The following SETD2 variants were observed in gnomAD, a reference collection of about 807,000 sequenced individuals.
The protein encoded by SETD2 is SET domain containing 2, histone lysine methyltransferase.
Under a neutral mutation model 242.1 loss-of-function variants are expected in SETD2, and 31 were observed. The ratio of observed to expected loss-of-function variants is 0.13; its 90% CI spans 0.10 to 0.17. SETD2 has a LOEUF of 0.17. SETD2 is among the 10% of genes least tolerant of loss of function. SETD2 has a pLI of 1.00. For synonymous variants in SETD2, 1,006 were observed against 1,066.5 expected (o/e 0.94, Z 1.11); for missense variants, 2,481 against 3,046.3 (o/e 0.81, Z 4.37).
At position 47,122,317 on chromosome 3, in the gene SETD2, T is replaced by G. The variant is rs773798410; in HGVS notation, c.2319A>C (p.Thr773=). The change falls in exon 3 of 21, where the codon ACA becomes ACC. Residue 773 remains threonine, a synonymous_variant. Coordinates refer to ENST00000409792, the MANE Select transcript of SETD2 (RefSeq NM_014159.7). ...MPVMTVDYSK[T]VVKEPVDTRV... ...TCGTATCAACTGGTTCTTTAACTACTGTTTTGGAATAATCCACAGTCATAA... is the reference window on the plus strand; with the variant it reads ...TCGTATCAACTGGTTCTTTAACTACGGTTTTGGAATAATCCACAGTCATAA... The G allele has an allele frequency of 6.2e-7, 1 of 1,614,222 alleles. No individual in the cohort carries two copies. The highest frequency in any genetic ancestry group is 8.5e-7 in the Non-Finnish European group (1 of 1,180,022).
chr3:47,129,313 T>C (rs181436691), intron 1 of SETD2, among the ~76,000 whole-genome samples: 122 of 152,306 alleles, frequency 8.0e-4, no homozygotes, highest in Admixed American at 2.2e-3. Context: ...TGTTAATAGA[T>C]AAAAATCAAA....
chr3:47,113,106 CTT>C (rs67797383), intron 5 of SETD2, among the ~76,000 whole-genome samples: 1 of 148,206 alleles, frequency 6.7e-6, no homozygotes, highest in Non-Finnish European at 1.5e-5. Flanking sequence ...CTCTTCTACT[CTT>C]TTTTTTTTTC....
At chr3:47,094,360 G>A (rs970714108) in intron 9 of SETD2, among the ~76,000 whole-genome samples, 7 of 152,210 alleles carry the variant, frequency 4.6e-5, no homozygotes, top group Admixed American at 2.6e-4. Context: ...GCAATCATAA[G>A]AACAAGGATA....
At chr3:47,156,947 C>A (rs9821119) in intron 1 of SETD2, among the ~76,000 whole-genome samples, 1 of 151,906 alleles carries the variant, frequency 6.6e-6, no homozygotes, top group South Asian at 2.1e-4. Context: ...GGGCAACACA[C>A]CAAAACCCTG....
At chr3:47,021,046 T>TA (rs1377366007) in intron 18 of SETD2, among the ~76,000 whole-genome samples, 1 of 152,210 alleles carries the variant, frequency 6.6e-6, no homozygotes, top group Non-Finnish European at 1.5e-5. Flanking sequence ...ATTTGTTTTT[T>TA]AAGAAAACAA....
intron 11 of SETD2, among the ~76,000 whole-genome samples, chr3:47,085,906 G>A (rs960157515): frequency 2.0e-5 from 3 of 152,030 alleles, no homozygotes; most frequent in African/African-American, 7.3e-5. Context: ...CAACAAACTG[G>A]ATCTTTCACT....
rs2385867 is a variant in SETD2, at chr3:47,017,833, C to T, written c.7432-94G>A. ...TAACTAGAAAAGGTAGTGAGTAAAG[C>T]CAGCCAATCCTTCTCCTTTTCCTCC... On this transcript the variant is annotated intron_variant, in intron 19 of 20. Transcript: ENST00000409792. The surrounding 1 kb of genome is among the most constrained non-coding windows in gnomAD (Gnocchi z 4.8). 487,177 of 861,096 alleles carry T rather than the reference C, an allele frequency of 0.57. 138,596 individuals carry two copies. Among genetic ancestry groups the T allele is most frequent in the Non-Finnish European group, 0.58 (292,414 of 506,026 alleles). The allele number at this position is 861,096 out of a possible 1,614,324, so 53.3% of individuals were successfully genotyped here. A position where few individuals can be genotyped will look rare whatever the true frequency, so the allele number is the denominator to read the frequency against.
chr3:47,104,908 G>A (rs2042350572), intron 6 of SETD2, among the ~76,000 whole-genome samples: 1 of 152,220 alleles, frequency 6.6e-6, no homozygotes, highest in African/African-American at 2.4e-5. Flanking sequence ...GCTGTAACTA[G>A]ATGCATGCAA....
chr3:47,092,709 G>C (rs1240121037), intron 9 of SETD2, among the ~76,000 whole-genome samples: 3 of 151,750 alleles, frequency 2.0e-5, no homozygotes, highest in Non-Finnish European at 4.4e-5. Flanking sequence ...CTTCTTGATG[G>C]AATACAACAT....
intron 1 of SETD2, among the ~76,000 whole-genome samples, chr3:47,141,635 T>C (rs2043729568): frequency 6.6e-6 from 1 of 152,224 alleles, no homozygotes; most frequent in African/African-American, 2.4e-5. Context: ...TTATTTCATG[T>C]TTCACAAGTA....
At chr3:47,043,678 G>A (rs1469864209) in intron 16 of SETD2, among the ~76,000 whole-genome samples, 1 of 152,118 alleles carries the variant, frequency 6.6e-6, no homozygotes, top group Non-Finnish European at 1.5e-5. Flanking sequence ...GATAAAATGT[G>A]TTCACTTTTA....
intron 17 of SETD2, among the ~76,000 whole-genome samples, chr3:47,038,164 T>G (rs1464962371): frequency 2.6e-5 from 4 of 152,228 alleles, no homozygotes; most frequent in Admixed American, 2.0e-4. Context: ...AAACAGTGAC[T>G]GTACCTAGCA....
At chr3:47,129,009 T>C (rs1950252041) in intron 1 of SETD2, among the ~76,000 whole-genome samples, 1 of 152,178 alleles carries the variant, frequency 6.6e-6, no homozygotes, top group Non-Finnish European at 1.5e-5. Flanking sequence ...CCTCAGCAGT[T>C]CTATTTTGGA....
At chr3:47,055,740 T>G (rs1274277141) in intron 15 of SETD2, among the ~76,000 whole-genome samples, 2 of 151,446 alleles carry the variant, frequency 1.3e-5, no homozygotes, top group Admixed American at 6.6e-5. Flanking sequence ...CCAGGCACGG[T>G]GGCTCACGTC....
chr3:47,094,264 A>C (rs1575762318), intron 9 of SETD2, among the ~76,000 whole-genome samples: 2 of 152,366 alleles, frequency 1.3e-5, no homozygotes, highest in South Asian at 4.1e-4. Flanking sequence ...TAAGTACTTA[A>C]GTACCCAGTG....
At position 47,124,118 on chromosome 3, in the gene SETD2, A is replaced by G. The variant is rs1038985708; in HGVS notation, c.518T>C (p.Leu173Ser). 6.4e-7 allele frequency: 1 copy of G among 1,551,952 alleles called. No homozygotes were observed. Among genetic ancestry groups the G allele is most frequent in the Admixed American group, 2.0e-5 (1 of 50,984 alleles). The change falls in exon 3 of 21, where the codon TTA becomes TCA. Residue 173 changes from leucine to serine, a missense_variant. This residue lies in a region of SETD2 where 334 missense variants were observed against 374.5 expected (regional missense o/e 0.89). Transcript: ENST00000409792. ...TGTTGATTCTGCTATCACTGCTGGT[A>G]ATGGTGCTGCATGAGTAGGTGGAGA... ...VASPPTHAAP[L>S]PAVIAESTTV... is the part of the protein sequence containing the mutation.
chr3:47,157,415 T>A (rs2044150001), intron 1 of SETD2: 1 of 443,834 alleles, frequency 2.3e-6, no homozygotes, highest in African/African-American at 2.0e-5. Flanking sequence ...AATAAAAAAT[T>A]AATATAGAAT....
intron 15 of SETD2, 110 bp downstream of exon 15, chr3:47,056,711 A>T: frequency 1.2e-6 from 1 of 800,976 alleles, no homozygotes; most frequent in Non-Finnish European, 2.0e-6. Flanking sequence ...TATAAAGTTG[A>T]TCAATATATA....
intron 1 of SETD2, among the ~76,000 whole-genome samples, chr3:47,146,420 G>C (rs1352655718): frequency 6.6e-6 from 1 of 152,108 alleles, no homozygotes; most frequent in Non-Finnish European, 1.5e-5. Flanking sequence ...CTGAGGTCAG[G>C]AGTTCAAGAC....
Sources: gnomAD v4.1 joint callset for allele counts (sites outside exome capture counted in the v4.1 genomes callset) on GRCh38, gnomAD v4.1.1 for gene constraint, gnomAD v4.1.1 regional missense constraint, Gnocchi (gnomAD v3.1) non-coding constraint, MANE v1.5 for transcripts, NCBI Gene and HGNC (gene_info 2026-07-23, HGNC 2026-07-21) for gene names.